Variants in NRXN3 observed in about 807,000 individuals in gnomAD.
NRXN3 encodes neurexin 3.
In NRXN3, 32 loss-of-function variants were observed where a neutral mutation model predicts 137.6. The observed-to-expected ratio is 0.23, with a 90% CI of 0.18 to 0.31. NRXN3 has a LOEUF of 0.31. Ranked by LOEUF, NRXN3 falls within the 10% of genes least tolerant of loss-of-function variation. NRXN3 has a pLI of 1.00. For missense variants in NRXN3, 1,574 were observed against 2,062.5 expected, an observed-to-expected ratio of 0.76 and a Z score of 4.59; for synonymous variants, 798 against 784.5, an observed-to-expected ratio of 1.02 and a Z score of -0.29.
chr14:79,441,245 G>C (rs1442845755), intron 15 of NRXN3, among the ~76,000 whole-genome samples: 1 of 151,392 alleles, frequency 6.6e-6, no homozygotes, highest in Non-Finnish European at 1.5e-5. Flanking sequence ...GTAGCAAAGA[G>C]ACCTGGATCT....
chr14:78,437,706 G>A (rs1360896881), intron 4 of NRXN3, among the ~76,000 whole-genome samples: 2 of 152,278 alleles, frequency 1.3e-5, no homozygotes, highest in East Asian at 3.9e-4. Context: ...GTACTAAAAT[G>A]CTTCAGAGTG....
rs558109531 is a variant in NRXN3, at chr14:79,133,033, C to T, written c.3262+144892C>T. ...CTGTGTCTGAGGCCAACCCTGAAGGCGCTGGCAGCTGAAGGCTGTCTATGG... is the reference window on the plus strand; with the variant it reads ...CTGTGTCTGAGGCCAACCCTGAAGGTGCTGGCAGCTGAAGGCTGTCTATGG... On this transcript the variant is annotated intron_variant, in intron 15 of 20. Transcript: ENST00000335750. Among the ~76,000 whole-genome samples the T allele has an allele frequency of 5.4e-4, 82 of 152,322 alleles. 2 individuals carry two copies. Among genetic ancestry groups the T allele is most frequent in the Admixed American group, 1.2e-3 (18 of 15,300 alleles).
intron 4 of NRXN3, among the ~76,000 whole-genome samples, chr14:78,548,942 C>T (rs554115779): frequency 4.4e-4 from 67 of 152,264 alleles, no homozygotes; most frequent in Non-Finnish European, 5.3e-4. Flanking sequence ...TTCTCTTCTC[C>T]GCATCTGTTC....
chr14:78,980,345 C>A (rs1018083062), intron 14 of NRXN3, among the ~76,000 whole-genome samples: 4 of 152,188 alleles, frequency 2.6e-5, no homozygotes, highest in African/African-American at 9.6e-5. Flanking sequence ...TGGCTAGAAC[C>A]AGGTGGTGCT....
intron 15 of NRXN3, among the ~76,000 whole-genome samples, chr14:79,390,916 A>C (rs1354360542): frequency 2.6e-5 from 4 of 152,138 alleles, no homozygotes; most frequent in Admixed American, 2.0e-4. Flanking sequence ...GTTAGTTAGC[A>C]CGAGAGTGGC....
At chr14:78,194,816 G>C (rs1275652425) in intron 1 of NRXN3, among the ~76,000 whole-genome samples, 1 of 152,214 alleles carries the variant, frequency 6.6e-6, no homozygotes, top group African/African-American at 2.4e-5. Context: ...TCAGCCTTGA[G>C]CCCTCTCAGG....
chr14:78,620,569 T>A, intron 4 of NRXN3, among the ~76,000 whole-genome samples: 1 of 151,128 alleles, frequency 6.6e-6, no homozygotes, highest in African/African-American at 2.4e-5. Flanking sequence ...TCACCCAGAG[T>A]GGATGGTGTT....
At chr14:78,506,581 T>G (rs970364807) in intron 4 of NRXN3, among the ~76,000 whole-genome samples, 1 of 151,800 alleles carries the variant, frequency 6.6e-6, no homozygotes, top group African/African-American at 2.4e-5. Context: ...ATAGTTGTTA[T>G]CAGTTTTTTT....
chr14:78,405,464 C>A (rs1219120864), intron 4 of NRXN3, among the ~76,000 whole-genome samples: 1 of 152,140 alleles, frequency 6.6e-6, no homozygotes, highest in Non-Finnish European at 1.5e-5. Flanking sequence ...ATAAAATATT[C>A]TATTATTTTC....
chr14:79,524,146 A>G (rs1340347782), intron 16 of NRXN3, among the ~76,000 whole-genome samples: 1 of 152,216 alleles, frequency 6.6e-6, no homozygotes, highest in African/African-American at 2.4e-5. Context: ...GCAGAGATCT[A>G]AGGAGAAAAC....
chr14:78,420,721 A>C (rs1485418384), intron 4 of NRXN3, among the ~76,000 whole-genome samples: 1 of 152,270 alleles, frequency 6.6e-6, no homozygotes, highest in South Asian at 2.1e-4. Context: ...CTGAATAATG[A>C]CAATTGGAAA....
At chr14:78,970,589 G>A (rs758603014) in intron 14 of NRXN3, among the ~76,000 whole-genome samples, 2 of 152,220 alleles carry the variant, frequency 1.3e-5, no homozygotes, top group East Asian at 3.9e-4. Context: ...TTAAAAGGAG[G>A]TCTAAGCTTT....
intron 19 of NRXN3, among the ~76,000 whole-genome samples, chr14:79,705,034 T>C (rs146435493): frequency 1.3e-5 from 2 of 152,282 alleles, no homozygotes; most frequent in East Asian, 3.9e-4. Context: ...GAAAGGGTCC[T>C]GAGGGCAGAC....
rs190678397 is a variant in NRXN3, at chr14:78,282,681, C to T, written c.727+4019C>T. Among the ~76,000 whole-genome samples the T allele has an allele frequency of 1.9e-4, 29 of 152,298 alleles. No homozygotes were observed. In the East Asian group the frequency reaches 4.5e-3, roughly 23 times the overall value. ...TACCTTTGCTGGAGCCTTCCCCTAC[C>T]CGCTCTTGATCTCCGCCCCGTATTG... On this transcript the variant is annotated intron_variant, in intron 3 of 20. Transcript: ENST00000335750.
chr14:78,487,657 G>T (rs4254256), intron 4 of NRXN3, among the ~76,000 whole-genome samples: 2 of 151,254 alleles, frequency 1.3e-5, no homozygotes, highest in Non-Finnish European at 2.9e-5. Flanking sequence ...CATAAGAATC[G>T]CTTGAACCCA....
chr14:79,593,007 T>C (rs1241984957), intron 16 of NRXN3, among the ~76,000 whole-genome samples: 1 of 152,192 alleles, frequency 6.6e-6, no homozygotes, highest in African/African-American at 2.4e-5. Flanking sequence ...AGTAAAAACA[T>C]ATACTAATCA....
intron 10 of NRXN3, among the ~76,000 whole-genome samples, chr14:78,850,131 T>A (rs1375004140): frequency 1.3e-5 from 2 of 151,856 alleles, no homozygotes; most frequent in Non-Finnish European, 2.9e-5. Context: ...CTGCCACTAA[T>A]ACCTGAGAGA....
intron 15 of NRXN3, among the ~76,000 whole-genome samples, chr14:79,443,884 T>C (rs1036523802): frequency 2.0e-5 from 3 of 152,218 alleles, no homozygotes; most frequent in Non-Finnish European, 4.4e-5. Flanking sequence ...CCACTGGTTT[T>C]TGAGAAGTGA....
At chr14:79,223,949 G>A (rs892089671) in intron 15 of NRXN3, among the ~76,000 whole-genome samples, 2 of 151,992 alleles carry the variant, frequency 1.3e-5, no homozygotes, top group African/African-American at 4.8e-5. Flanking sequence ...ATGACGGGGA[G>A]GAGGAATGAT....
Sources: gnomAD v4.1 joint callset for allele counts (sites outside exome capture counted in the v4.1 genomes callset) on GRCh38, gnomAD v4.1.1 for gene constraint, MANE v1.5 for transcripts, NCBI Gene and HGNC (gene_info 2026-07-23, HGNC 2026-07-21) for gene names.